The following VPS13C variants were observed in gnomAD, a reference collection of about 807,000 sequenced individuals.
VPS13C encodes the protein intermembrane lipid transfer protein VPS13C.
VPS13C carries 358 observed loss-of-function variants against 456.8 expected under a neutral mutation model. That is an observed-to-expected ratio of 0.78 (90% CI 0.72 to 0.86). The LOEUF is 0.86. Among genes scored for constraint, VPS13C ranks in the 40% least tolerant of loss-of-function variants. The probability of loss-of-function intolerance (pLI) is 0.00; values close to 1 mark genes in which losing one functional copy is unlikely to be tolerated. For missense variants in VPS13C, 4,818 were observed against 4,385.4 expected (o/e 1.10, Z -2.79); for synonymous variants, 1,578 against 1,486.7 (o/e 1.06, Z -1.41).
Position 61,986,665 on chromosome 15 carries a change from A to G in VPS13C, c.1579-1666T>C, listed in dbSNP as rs549467743. 6.5e-4 allele frequency among the ~76,000 whole-genome samples: 99 copies of G among 152,340 alleles called. 2 individuals are homozygous for G. The South Asian group carries it at 0.02, about 31-fold the overall frequency. On this transcript the variant is annotated intron_variant, in intron 18 of 84. Transcript: ENST00000644861. Reference sequence around the variant, plus strand: ...GTCCAAACAGTATAAACAAAAATGAATACATATCTAGTCACATCACAGTAA... The same window carrying G: ...GTCCAAACAGTATAAACAAAAATGAGTACATATCTAGTCACATCACAGTAA...
At chr15:61,908,833 G>A (rs1466783963) in intron 65 of VPS13C, among the ~76,000 whole-genome samples, 159 bp downstream of exon 65, 2 of 152,150 alleles carry the variant, frequency 1.3e-5, no homozygotes, top group African/African-American at 4.8e-5. Context: ...TGTTTACAGA[G>A]TGTTATCTCA....
chr15:61,983,333 T>C (rs1423931738), intron 20 of VPS13C, among the ~76,000 whole-genome samples: 1 of 152,156 alleles, frequency 6.6e-6, no homozygotes, highest in Non-Finnish European at 1.5e-5. Flanking sequence ...TAAGATAGCA[T>C]GAATAAAAGG....
chr15:61,905,866 T>C (rs1304183570), intron 66 of VPS13C, among the ~76,000 whole-genome samples: 1 of 152,138 alleles, frequency 6.6e-6, no homozygotes, highest in Non-Finnish European at 1.5e-5. Flanking sequence ...CCTCTCCTCT[T>C]ACACTTCATT....
chr15:61,876,859 G>A (rs1895461046), intron 75 of VPS13C, 114 bp downstream of exon 75: 1 of 692,846 alleles, frequency 1.4e-6, no homozygotes, highest in African/African-American at 1.9e-5. Context: ...TAAATACGGA[G>A]ATTTCAAAGT....
intron 66 of VPS13C, among the ~76,000 whole-genome samples, chr15:61,898,150 G>T (rs957102802): frequency 4.1e-4 from 62 of 152,034 alleles, no homozygotes; most frequent in Non-Finnish European, 7.2e-4. Context: ...GCAAAATCAT[G>T]CCAAAATGTA....
intron 80 of VPS13C, among the ~76,000 whole-genome samples, chr15:61,869,094 T>G (rs898011777): frequency 6.6e-6 from 1 of 150,996 alleles, no homozygotes; most frequent in African/African-American, 2.4e-5. Context: ...CCATAAAATA[T>G]GTCTCTTTTC....
At position 61,907,273 on chromosome 15, in the gene VPS13C, A is replaced by G; in HGVS notation, c.9096T>C (p.Asp3032=). ...WTYAANVGEH[D]LLKDGCGQFP... Reference sequence around the variant, plus strand: ...TCACATCAAAAGATACCTTTAACAGATCATGTTCCCCAACATTTGCTGCAT... The same window carrying G: ...TCACATCAAAAGATACCTTTAACAGGTCATGTTCCCCAACATTTGCTGCAT... Residue 3032 remains aspartate (D), a synonymous_variant, in exon 66 of 85, where the codon GAT becomes GAC. Transcript: ENST00000644861. 6.2e-7 allele frequency: 1 copy of G among 1,613,852 alleles called. No individual in the cohort carries two copies. The highest frequency in any genetic ancestry group is 1.1e-5 in the South Asian group (1 of 91,084).
chr15:61,857,479 A>C (rs1893983761), intron 82 of VPS13C, among the ~76,000 whole-genome samples: 5 of 152,316 alleles, frequency 3.3e-5, no homozygotes, highest in African/African-American at 1.2e-4. Flanking sequence ...GGAGGTCTGC[A>C]GCTGGAATAC....
At chr15:62,054,305 C>T (rs1456621316) in intron 1 of VPS13C, among the ~76,000 whole-genome samples, 1 of 152,110 alleles carries the variant, frequency 6.6e-6, no homozygotes, top group Non-Finnish European at 1.5e-5. Flanking sequence ...CCTCTGAAAG[C>T]CTGACTTACA....
At chr15:62,018,795 G>T (rs889475027) in intron 9 of VPS13C, among the ~76,000 whole-genome samples, 2 of 152,144 alleles carry the variant, frequency 1.3e-5, no homozygotes, top group Admixed American at 1.3e-4. Flanking sequence ...GATGCTGCTG[G>T]ACTCATAAAA....
chr15:61,899,393 T>C (rs1161865374), intron 66 of VPS13C, among the ~76,000 whole-genome samples: 1 of 150,762 alleles, frequency 6.6e-6, no homozygotes, highest in Non-Finnish European at 1.5e-5. Context: ...AAGAATCAAA[T>C]AGACGCAATA....
intron 67 of VPS13C, among the ~76,000 whole-genome samples, chr15:61,888,033 A>G (rs925602344): frequency 6.6e-6 from 1 of 152,234 alleles, no homozygotes; most frequent in Non-Finnish European, 1.5e-5. Flanking sequence ...AAAATGGACA[A>G]AAGATTTGAA....
rs1896097715 is a variant in VPS13C, at chr15:61,884,232, A to C, written c.9379T>G (p.Trp3127Gly). 1.2e-6 allele frequency: 2 copies of C among 1,610,636 alleles called. No individual in the cohort carries two copies. Among genetic ancestry groups the C allele is most frequent in the Non-Finnish European group, 1.7e-6 (2 of 1,178,752 alleles). ...ATCTGCTTTTGACTAAATGGCTTCC[A>C]TTTCTGCTTTGGTTTCACCTCCCAA... is the stretch of plus-strand genomic sequence containing the variant. ...VVWEVKPKQKWKPFSQKQIIL... is the reference protein window; with the variant it reads ...VVWEVKPKQKGKPFSQKQIIL... The change falls in exon 68 of 85, where the codon TGG becomes GGG. Residue 3127 changes from tryptophan (W) to glycine (G), a missense_variant. Transcript: ENST00000644861.
chr15:62,030,896 T>C (rs983489057), intron 5 of VPS13C, among the ~76,000 whole-genome samples: 4 of 152,142 alleles, frequency 2.6e-5, no homozygotes, highest in Non-Finnish European at 5.9e-5. Context: ...TTTTTTATCA[T>C]GTCATTTTGG....
chr15:61,865,302 ACT>A, intron 81 of VPS13C: 1 of 978,942 alleles, frequency 1.0e-6, no homozygotes, highest in Non-Finnish European at 1.2e-6. Flanking sequence ...CAGCATTATT[ACT>A]GTTAGTAGAA....
chr15:62,057,285 T>A (rs894267798), intron 1 of VPS13C, among the ~76,000 whole-genome samples: 1 of 152,232 alleles, frequency 6.6e-6, no homozygotes, highest in Non-Finnish European at 1.5e-5. Context: ...ATATAGAATT[T>A]TCAATTTTTT....
intron 66 of VPS13C, chr15:61,906,589 C>A (rs1486966631): frequency 1.3e-5 from 2 of 152,268 alleles, no homozygotes; most frequent in African/African-American, 2.4e-5. Flanking sequence ...GTCAAGAAAG[C>A]CTTTTAACAG....
At position 61,927,136 on chromosome 15, in the gene VPS13C, G is replaced by T. The variant is rs373951857; in HGVS notation, c.6471C>A (p.Leu2157=). The change falls in exon 52 of 85, where the codon CTC becomes CTA. Residue 2157 remains leucine, a synonymous_variant. Transcript: ENST00000644861. ...TCTTTTCTCTGAGAAAAGGGCAAGC[G>T]AGCACTTTCAGATCTCTCACAGAAG... ...MEASVRDLKV[L]ACPFLREKRG... is the part of the protein sequence containing the mutation. The T allele has an allele frequency of 6.2e-7, 1 of 1,614,130 alleles. No homozygotes were observed. The highest frequency in any genetic ancestry group is 8.5e-7 in the Non-Finnish European group (1 of 1,180,022).
intron 1 of VPS13C, 58 bp downstream of exon 1, chr15:62,060,217 G>A: frequency 2.0e-6 from 2 of 984,776 alleles, no homozygotes; most frequent in Middle Eastern, 2.6e-4. Flanking sequence ...CCCGGACGGA[G>A]CAGCCCTCGG....
Sources: allele counts gnomAD v4.1 joint callset (sites outside exome capture counted in the v4.1 genomes callset), GRCh38; gene constraint gnomAD v4.1.1; transcripts MANE v1.5; gene names NCBI Gene and HGNC (gene_info 2026-07-23, HGNC 2026-07-21).